The following ZPBP variants were observed in gnomAD, a reference collection of about 807,000 sequenced individuals.
ZPBP encodes zona pellucida-binding protein 1.
ZPBP carries 26 observed loss-of-function variants against 44.8 expected under a neutral mutation model. The ratio of observed to expected loss-of-function variants is 0.58; its 90% CI spans 0.43 to 0.81. The LOEUF is 0.81. Among genes scored for constraint, ZPBP ranks in the 30% least tolerant of loss-of-function variants. The pLI is 0.00. For missense variants in ZPBP, 409 were observed against 434.0 expected, an observed-to-expected ratio of 0.94 and a Z score of 0.51; for synonymous variants, 174 against 153.2, an observed-to-expected ratio of 1.14 and a Z score of -1.00.
chr7:50,002,479 C>T (rs533653008), intron 6 of ZPBP, among the ~76,000 whole-genome samples: 3 of 152,248 alleles, frequency 2.0e-5, no homozygotes, highest in South Asian at 4.1e-4. Flanking sequence ...GCCTCAACCT[C>T]CCCAAGGTGC....
rs1796961893 is a variant in ZPBP at position 49,981,628 on chromosome 7, T to TAC, written c.961+1713_961+1714insGT. 4.8e-5 allele frequency among the ~76,000 whole-genome samples: 2 copies of TAC among 41,612 alleles called. 1 individual carries two copies. Among genetic ancestry groups the TAC allele is most frequent in the Non-Finnish European group, 7.4e-5 (2 of 27,124 alleles). The allele number at this position is 41,612 out of a possible 152,430, so 27.3% of individuals were successfully genotyped here. A position where few individuals can be genotyped will look rare whatever the true frequency, so the allele number is the denominator to read the frequency against. On this transcript the variant is annotated intron_variant, in intron 7 of 7. Transcript: ENST00000046087. Reference sequence around the variant, plus strand: ...ATTATATAATTATATTATATTATATTATATTATATATTATATAATATCTTG... The same window carrying TAC: ...ATTATATAATTATATTATATTATATTACATATTATATATTATATAATATCTTG...
chr7:49,981,471 T>C (rs1796927189), intron 7 of ZPBP, among the ~76,000 whole-genome samples: 1 of 82,912 alleles, frequency 1.2e-5, no homozygotes, highest in South Asian at 3.5e-4. Flanking sequence ...ATATATATAA[T>C]TATATATAAT....
At chr7:49,846,566 G>A (rs532350114), downstream of ZPBP, among the ~76,000 whole-genome samples, 4 of 152,284 alleles carry the variant, frequency 2.6e-5, no homozygotes, top group African/African-American at 9.6e-5. Flanking sequence ...ACTGTAGAAA[G>A]CCTTGTGGGC....
chr7:50,032,585 G>A lies in ZPBP; in HGVS notation c.488-1275C>T, dbSNP rs975832981. On this transcript the variant is annotated intron_variant, in intron 4 of 7. Transcript: ENST00000046087. ...AGCTTATGTGCCTAAAAGAGTTAAC[G>A]TTGCAGGTGGGAGGCTGCTTGCAGG... Among the ~76,000 whole-genome samples, 6 of 152,118 alleles carry A rather than the reference G, an allele frequency of 3.9e-5. No individual in the cohort carries two copies. The East Asian group carries it at 5.8e-4, about 15-fold the overall frequency.
intron 7 of ZPBP, among the ~76,000 whole-genome samples, chr7:49,946,627 C>T (rs555184505): frequency 6.6e-6 from 1 of 152,086 alleles, no homozygotes; most frequent in African/African-American, 2.4e-5. Flanking sequence ...AGGATCCATT[C>T]TTTATCCTTG....
chr7:50,029,710 A>G (rs1158069771), intron 5 of ZPBP, among the ~76,000 whole-genome samples: 1 of 152,388 alleles, frequency 6.6e-6, no homozygotes, highest in East Asian at 1.9e-4. Context: ...CAATGAGCAC[A>G]GGAAAAGATG....
intron 6 of ZPBP, among the ~76,000 whole-genome samples, chr7:50,012,698 C>T (rs1798642023): frequency 6.7e-6 from 1 of 148,506 alleles, no homozygotes; most frequent in African/African-American, 2.5e-5. Context: ...TTGCATCATA[C>T]TAGATGGTAC....
rs540195204 is a variant in ZPBP, at chr7:49,986,095, AAAT to A, written c.784-2579_784-2577del. Among the ~76,000 whole-genome samples, 387 of 152,314 alleles carry A rather than the reference AAAT, an allele frequency of 2.5e-3. 2 individuals carry two copies. The highest frequency in any genetic ancestry group is 8.9e-3 in the African/African-American group (368 of 41,572). On this transcript the variant is annotated intron_variant, in intron 6 of 7. Transcript: ENST00000046087. ...TAGATTTTAGCTGAACTAAGGAGCA[AAAT>A]ATCTTGCATCATTTTGGTGGCCCAT...
chr7:49,962,718 A>G (rs1795906687), intron 7 of ZPBP, among the ~76,000 whole-genome samples: 1 of 151,934 alleles, frequency 6.6e-6, no homozygotes, highest in Non-Finnish European at 1.5e-5. Flanking sequence ...GATTAGGTAT[A>G]TAAAGAAAAA....
At chr7:50,034,517 AGCTGACT>A (rs1799742568) in intron 4 of ZPBP, among the ~76,000 whole-genome samples, 1 of 152,224 alleles carries the variant, frequency 6.6e-6, no homozygotes, top group African/African-American at 2.4e-5. Flanking sequence ...AAATATTCTC[AGCTGACT>A]GCCCTCCAAA....
downstream of ZPBP, chr7:49,936,136 T>C (rs1794613373): frequency 6.6e-6 from 1 of 152,204 alleles, no homozygotes; most frequent in African/African-American, 2.4e-5. Flanking sequence ...ATGTAGTAAG[T>C]CTTTTACTCT....
intron 2 of ZPBP, among the ~76,000 whole-genome samples, chr7:49,886,052 T>G (rs369965913): frequency 5.3e-5 from 8 of 152,212 alleles, no homozygotes; most frequent in African/African-American, 1.7e-4. Flanking sequence ...AAGCAGTGTG[T>G]GCAAGAGCCT....
chr7:49,980,139 A>T (rs186718578), intron 7 of ZPBP, among the ~76,000 whole-genome samples: 55,176 of 110,304 alleles, frequency 0.5, 14,476 homozygotes, highest in East Asian at 0.69. Context: ...TATATATTAT[A>T]TTTATATTAT....
chr7:49,970,830 T>C (rs1796272830), intron 7 of ZPBP, among the ~76,000 whole-genome samples: 1 of 150,540 alleles, frequency 6.6e-6, no homozygotes, highest in Non-Finnish European at 1.5e-5. Context: ...GCCTGGGCAA[T>C]ATAGTGAGAT....
rs1182126879 is a variant in ZPBP, at chr7:50,059,420, T to G, written c.335-1279A>C. Among the ~76,000 whole-genome samples the G allele has an allele frequency of 2.6e-5, 4 of 152,346 alleles. No individual in the cohort carries two copies. The East Asian group carries it at 7.7e-4, about 29-fold the overall frequency. ...TATGCCTTGAGAACTTCCATTTCTA[T>G]ATCCTGGATGAAGCTGAAAAATGTG... On this transcript the variant is annotated intron_variant, in intron 3 of 7. Coordinates refer to ENST00000046087, the MANE Select transcript of ZPBP (RefSeq NM_007009.3).
chr7:49,883,246 G>A (rs756471742), intron 2 of ZPBP, among the ~76,000 whole-genome samples: 2 of 152,086 alleles, frequency 1.3e-5, no homozygotes, highest in African/African-American at 2.4e-5. Flanking sequence ...CCAGGGAGGC[G>A]TCTTTCCAGA....
At chr7:49,929,331 G>T (rs1355500706) in intron 1 of ZPBP, among the ~76,000 whole-genome samples, 1 of 152,188 alleles carries the variant, frequency 6.6e-6, no homozygotes, top group Non-Finnish European at 1.5e-5. Flanking sequence ...GCTTGATCAG[G>T]ATGATACAAC....
At chr7:49,865,063 A>G (rs1196231917) in intron 2 of ZPBP, among the ~76,000 whole-genome samples, 1 of 152,212 alleles carries the variant, frequency 6.6e-6, no homozygotes, top group Admixed American at 6.5e-5. Flanking sequence ...TTTTTTGTAA[A>G]GAATTGTAAA....
intron 7 of ZPBP, among the ~76,000 whole-genome samples, chr7:49,971,766 CATG>C (rs1796313383): frequency 6.6e-6 from 1 of 152,058 alleles, no homozygotes; most frequent in African/African-American, 2.4e-5. Flanking sequence ...CCAATATGAT[CATG>C]ACACCCAAGC....
Sources: gnomAD v4.1 joint callset for allele counts (sites outside exome capture counted in the v4.1 genomes callset) on GRCh38, gnomAD v4.1.1 for gene constraint, MANE v1.5 for transcripts, NCBI Gene and HGNC (gene_info 2026-07-23, HGNC 2026-07-21) for gene names.